Variants in TRDN observed in about 807,000 individuals in gnomAD.
The protein encoded by TRDN is triadin, also known as triadin in skeletal muscle.
A neutral mutation model predicts 149.7 loss-of-function variants in TRDN; 161 were observed. The observed-to-expected ratio is 1.08, with a 90% CI of 0.95 to 1.23. The LOEUF (loss-of-function observed/expected upper bound fraction) is 1.23. TRDN is among the 50% of genes most tolerant of loss of function. TRDN has a pLI of 0.00. For synonymous variants in TRDN, 294 were observed against 250.5 expected (o/e 1.17, Z -1.64); for missense variants, 896 against 823.5 (o/e 1.09, Z -1.08).
At chr6:123,288,287 A>T (rs1486254105) in intron 24 of TRDN, among the ~76,000 whole-genome samples, 1 of 152,096 alleles carries the variant, frequency 6.6e-6, no homozygotes, top group East Asian at 1.9e-4. Flanking sequence ...TTGTAAAGCT[A>T]CTAAAAGAAA....
intron 2 of TRDN, among the ~76,000 whole-genome samples, chr6:123,552,900 T>A (rs1781468658): frequency 6.6e-6 from 1 of 152,142 alleles, no homozygotes; most frequent in South Asian, 2.1e-4. Flanking sequence ...AACTTTCCAG[T>A]GCCTGTTATT....
chr6:123,624,105 G>A (rs1785530502), intron 1 of TRDN, among the ~76,000 whole-genome samples: 1 of 152,014 alleles, frequency 6.6e-6, no homozygotes, highest in Admixed American at 6.6e-5. Context: ...ACAGTACCTG[G>A]CAAAAGTAGA....
intron 39 of TRDN, among the ~76,000 whole-genome samples, chr6:123,222,877 C>G (rs1228336325): frequency 6.6e-6 from 1 of 151,782 alleles, no homozygotes; most frequent in East Asian, 1.9e-4. Flanking sequence ...TACATTCAAT[C>G]AACAAGCGTA....
chr6:123,461,564 G>T (rs1776449620), intron 10 of TRDN, among the ~76,000 whole-genome samples: 1 of 152,144 alleles, frequency 6.6e-6, no homozygotes, highest in Non-Finnish European at 1.5e-5. Context: ...TAGTGGGAAA[G>T]AAATTATCTG....
chr6:123,613,149 T>C lies in TRDN; in HGVS notation c.22+23605A>G, dbSNP rs189732857. 2.9e-3 allele frequency among the ~76,000 whole-genome samples: 441 copies of C among 152,292 alleles called. 3 individuals carry two copies. Among genetic ancestry groups the C allele is most frequent in the African/African-American group, 0.01 (424 of 41,568 alleles). On this transcript the variant is annotated intron_variant, in intron 1 of 40. Transcript: ENST00000334268. ...CACTTACCAAAGCATTGGGAAATTTTATGCATTGAACAAATCTGAGGCTCA... is the reference window on the plus strand; with the variant it reads ...CACTTACCAAAGCATTGGGAAATTTCATGCATTGAACAAATCTGAGGCTCA...
intron 18 of TRDN, among the ~76,000 whole-genome samples, chr6:123,376,437 TG>T (rs1430722631): frequency 6.6e-6 from 1 of 152,174 alleles, no homozygotes; most frequent in Non-Finnish European, 1.5e-5. Flanking sequence ...AAAATGTAAT[TG>T]TTCTATTTGG....
chr6:123,356,525 ATATATATATATATAT>A (rs1780688726), intron 20 of TRDN, among the ~76,000 whole-genome samples: 1 of 97,612 alleles, frequency 1.0e-5, no homozygotes, highest in Non-Finnish European at 2.3e-5. Context: ...ATATATATAT[ATATATATATATATAT>A]ATATATATAG....
intron 1 of TRDN, among the ~76,000 whole-genome samples, chr6:123,593,175 T>C (rs1388840144): frequency 2.0e-5 from 3 of 152,214 alleles, no homozygotes; most frequent in Non-Finnish European, 2.9e-5. Context: ...AGCCCCAAAA[T>C]TGATCACAAT....
chr6:123,267,826 G>T (rs1266869230), intron 31 of TRDN, 75 bp from the exon 32 acceptor site: 2 of 1,187,122 alleles, frequency 1.7e-6, no homozygotes, highest in South Asian at 3.3e-5. Context: ...ATATTTGCAA[G>T]TGATCCTCAG....
intron 12 of TRDN, among the ~76,000 whole-genome samples, chr6:123,405,908 G>T (rs1773173997): frequency 6.6e-6 from 1 of 152,028 alleles, no homozygotes; most frequent in Admixed American, 6.6e-5. Flanking sequence ...CTCTTGAAAA[G>T]CAAATGGAAG....
chr6:123,388,091 C>T (rs181541638), intron 14 of TRDN, among the ~76,000 whole-genome samples: 112 of 142,872 alleles, frequency 7.8e-4, no homozygotes, highest in African/African-American at 1.4e-3. Context: ...CAAAAAAATC[C>T]GAGAGGCAGA....
At chr6:123,372,868 A>G (rs1226440313) in intron 19 of TRDN, among the ~76,000 whole-genome samples, 1 of 152,034 alleles carries the variant, frequency 6.6e-6, no homozygotes, top group Non-Finnish European at 1.5e-5. Flanking sequence ...ATGCAGGGGA[A>G]TGTAGGTAGG....
At chr6:123,289,037 G>GCA (rs1777903022) in intron 24 of TRDN, among the ~76,000 whole-genome samples, 1 of 144,720 alleles carries the variant, frequency 6.9e-6, no homozygotes, top group Non-Finnish European at 1.5e-5. Context: ...GTGTGTGTGT[G>GCA]TATATATATA....
At chr6:123,407,759 T>A (rs1414056805) in intron 12 of TRDN, among the ~76,000 whole-genome samples, 2 of 152,236 alleles carry the variant, frequency 1.3e-5, no homozygotes, top group African/African-American at 4.8e-5. Flanking sequence ...GGCAATATTT[T>A]TTTTTGTAAA....
chr6:123,631,776 CTT>C (rs773042355), intron 1 of TRDN, among the ~76,000 whole-genome samples: 3 of 151,864 alleles, frequency 2.0e-5, no homozygotes, highest in Non-Finnish European at 2.9e-5. Flanking sequence ...TATAATGAAA[CTT>C]AATGTACCCA....
chr6:123,573,650 G>T (rs754328518), intron 1 of TRDN, among the ~76,000 whole-genome samples: 4 of 151,954 alleles, frequency 2.6e-5, no homozygotes, highest in Admixed American at 6.6e-5. Flanking sequence ...TTGACTGCTT[G>T]TAATACAGGC....
At chr6:123,445,526 A>G (rs1423937548) in intron 10 of TRDN, among the ~76,000 whole-genome samples, 1 of 104,430 alleles carries the variant, frequency 9.6e-6, no homozygotes, top group Non-Finnish European at 1.8e-5. Flanking sequence ...AATGAACTCA[A>G]ACAAATTTAC....
intron 1 of TRDN, among the ~76,000 whole-genome samples, chr6:123,599,258 G>A (rs899594519): frequency 6.6e-6 from 1 of 151,990 alleles, no homozygotes; most frequent in African/African-American, 2.4e-5. Flanking sequence ...CTAAAATTCT[G>A]AGATTAAACT....
At chr6:123,568,700 C>T (rs1051518582) in intron 2 of TRDN, among the ~76,000 whole-genome samples, 1 of 152,148 alleles carries the variant, frequency 6.6e-6, no homozygotes, top group African/African-American at 2.4e-5. Context: ...CCAGAGCAGC[C>T]AAAATATAGG....
Sources: gnomAD v4.1 joint callset for allele counts (sites outside exome capture counted in the v4.1 genomes callset) on GRCh38, gnomAD v4.1.1 for gene constraint, MANE v1.5 for transcripts, NCBI Gene and HGNC (gene_info 2026-07-23, HGNC 2026-07-21) for gene names.